The following MLIP variants were observed in gnomAD, a reference collection of about 807,000 sequenced individuals.
MLIP encodes the protein muscular LMNA interacting protein.
In MLIP, 79 loss-of-function variants were observed where a neutral mutation model predicts 84.8. That is an observed-to-expected ratio of 0.93 (90% CI 0.78 to 1.12). The LOEUF (loss-of-function observed/expected upper bound fraction) is 1.12. Among genes scored for constraint, MLIP ranks in the 50% most tolerant of loss-of-function variants. The pLI is 0.00. For missense variants in MLIP, 1,257 were observed against 1,160.6 expected (o/e 1.08, Z -1.21); for synonymous variants, 504 against 463.0 (o/e 1.09, Z -1.14).
chr6:54,049,588 A>G (rs1366185825), intron 1 of MLIP, among the ~76,000 whole-genome samples: 1 of 152,186 alleles, frequency 6.6e-6, no homozygotes, highest in Non-Finnish European at 1.5e-5. Context: ...TGAGAGGGTC[A>G]GGCATAATTA....
chr6:54,254,745 T>C (rs1582643049), intron 12 of MLIP, among the ~76,000 whole-genome samples: 1 of 127,540 alleles, frequency 7.8e-6, no homozygotes, highest in African/African-American at 3.3e-5. Flanking sequence ...TCTCCCTCCC[T>C]TCCTTCCTTC....
In MLIP at chr6:54,257,346, T is replaced by A. The variant is rs746204563; in HGVS notation, c.2961T>A (p.Ala987=). 4.2e-5 allele frequency: 67 copies of A among 1,611,988 alleles called. No homozygotes were observed. The highest frequency in any genetic ancestry group is 5.7e-5 in the Non-Finnish European group (67 of 1,178,514). Residue 987 remains alanine (A), a synonymous_variant, in exon 13 of 14, where the codon GCT becomes GCA. Transcript: ENST00000502396. ...HPMVAIPEHE[A]LDSKEQ ...TGGTGGCTATTCCTGAACATGAAGC[T>A]CTTGATTCCAAAGAGGTAAATGTAA...
At chr6:54,168,394 T>A (rs2150586426) in intron 8 of MLIP, among the ~76,000 whole-genome samples, 1 of 151,966 alleles carries the variant, frequency 6.6e-6, no homozygotes, top group African/African-American at 2.4e-5. Flanking sequence ...TAGAAGCAAA[T>A]AAATTTTTAT....
At chr6:54,236,330 G>A (rs1353824833) in intron 12 of MLIP, among the ~76,000 whole-genome samples, 1 of 152,236 alleles carries the variant, frequency 6.6e-6, no homozygotes, top group African/African-American at 2.4e-5. Context: ...GCCAGGTGCG[G>A]TGGCTCACGC....
intron 12 of MLIP, among the ~76,000 whole-genome samples, chr6:54,249,833 C>A (rs1295119599): frequency 6.6e-6 from 1 of 151,586 alleles, no homozygotes; most frequent in African/African-American, 2.4e-5. Context: ...GGTCCATTTG[C>A]AGGTTTGTTA....
Position 54,169,544 on chromosome 6 carries a change from C to G in MLIP, c.2516C>G (p.Pro839Arg). ...TTCATACAGACTCCTACAACTCTTC[C>G]AAGAGCAGCTGGTCGAGAAACCAAA... ...SDTVKTPTTL[P>R]RAAGRETKYA... is the part of the protein sequence containing the mutation. The change falls in exon 9 of 14, where the codon CCA becomes CGA. Residue 839 changes from proline (P) to arginine (R), a missense_variant. Transcript: ENST00000502396. The G allele has an allele frequency of 6.3e-7, 1 of 1,591,028 alleles. No individual in the cohort carries two copies. The highest frequency in any genetic ancestry group is 8.6e-7 in the Non-Finnish European group (1 of 1,168,788).
At chr6:54,018,976 A>T in exon 1 of MLIP, 3 of 1,485,860 alleles carry the variant, frequency 2.0e-6, no homozygotes, top group Non-Finnish European at 1.9e-6. Flanking sequence ...TTCTAGACAG[A>T]ATCTGAACCT....
upstream of MLIP, among the ~76,000 whole-genome samples, chr6:54,109,945 C>CTTCT (rs1769317341): frequency 1.7e-5 from 2 of 118,278 alleles, no homozygotes; most frequent in East Asian, 2.4e-4. Context: ...TCCTTCCTTC[C>CTTCT]TTCCTTCCTT....
chr6:54,243,434 CATA>C (rs1781870473), intron 12 of MLIP, among the ~76,000 whole-genome samples: 1 of 152,048 alleles, frequency 6.6e-6, no homozygotes, highest in African/African-American at 2.4e-5. Flanking sequence ...CCTTCCTGAA[CATA>C]ATGAGTTATC....
chr6:54,020,162 C>T (rs1763415422), intron 1 of MLIP, among the ~76,000 whole-genome samples: 1 of 152,152 alleles, frequency 6.6e-6, no homozygotes, highest in Non-Finnish European at 1.5e-5. Context: ...TTCTTGCCCA[C>T]AACTACCAAA....
chr6:54,109,221 C>T (rs1369559985), upstream of MLIP, among the ~76,000 whole-genome samples: 1 of 4,922 alleles, frequency 2.0e-4, no homozygotes, highest in Non-Finnish European at 5.4e-3. Flanking sequence ...TACATTTAAC[C>T]TACTTTTTTT....
rs556835451 is a variant in MLIP at position 54,216,918 on chromosome 6, G to A, written c.2719-13796G>A. 94 of 985,262 alleles carry A rather than the reference G, an allele frequency of 9.5e-5. No homozygotes were observed. In the African/African-American group the frequency reaches 1.5e-3, roughly 16 times the overall value. The allele number at this position is 985,262 out of a possible 1,614,324, so 61.0% of individuals were successfully genotyped here. On this transcript the variant is annotated intron_variant, in intron 11 of 13. Transcript: ENST00000502396. ...GTTGGTGTCTTTAGATAAAGGGGTC[G>A]CTCTTTAAGAAAATATTACTACTGT... is the stretch of plus-strand genomic sequence containing the variant.
chr6:54,021,415 C>T (rs1181661268), intron 1 of MLIP, among the ~76,000 whole-genome samples: 1 of 152,092 alleles, frequency 6.6e-6, no homozygotes, highest in Admixed American at 6.5e-5. Flanking sequence ...GTGTCACGCA[C>T]TTAAGCAATA....
At chr6:54,160,334 GC>G (rs1561997710) in intron 5 of MLIP, 32 bp from the exon 6 acceptor site, 2 of 1,565,824 alleles carry the variant, frequency 1.3e-6, no homozygotes, top group Non-Finnish European at 1.8e-6. Context: ...ATGACTAGAA[GC>G]CTCATATAAG....
At chr6:54,225,552 T>C (rs1048203303) in intron 11 of MLIP, among the ~76,000 whole-genome samples, 2 of 152,174 alleles carry the variant, frequency 1.3e-5, no homozygotes, top group Non-Finnish European at 2.9e-5. Context: ...GTAGCAAGTG[T>C]AACATTGTTA....
At chr6:54,232,907 A>G (rs1480242137) in intron 12 of MLIP, among the ~76,000 whole-genome samples, 2 of 152,144 alleles carry the variant, frequency 1.3e-5, no homozygotes, top group Non-Finnish European at 2.9e-5. Context: ...CTGGGCTACA[A>G]TAGGTGTTCA....
At chr6:54,245,772 C>T (rs1782037968) in intron 12 of MLIP, among the ~76,000 whole-genome samples, 1 of 152,046 alleles carries the variant, frequency 6.6e-6, no homozygotes, top group South Asian at 2.1e-4. Flanking sequence ...TATAGTTCAA[C>T]CTAGTTGTCT....
chr6:54,128,669 A>G (rs484196), intron 3 of MLIP, among the ~76,000 whole-genome samples: 148,712 of 152,192 alleles, frequency 0.98, 72,755 homozygotes, highest in East Asian at 1. Flanking sequence ...GGTAAGGAAA[A>G]GGAGGTCATG....
At chr6:54,234,970 C>A (rs532001400) in intron 12 of MLIP, among the ~76,000 whole-genome samples, 36 of 152,254 alleles carry the variant, frequency 2.4e-4, no homozygotes, top group African/African-American at 8.7e-4. Context: ...GATTCAGTTT[C>A]GTATCTTTAG....
Sources: gnomAD v4.1 joint callset for allele counts (sites outside exome capture counted in the v4.1 genomes callset) on GRCh38, gnomAD v4.1.1 for gene constraint, MANE v1.5 for transcripts, NCBI Gene and HGNC (gene_info 2026-07-23, HGNC 2026-07-21) for gene names.